NMNAT2: variants seen among roughly 807,000 people sequenced by gnomAD.
NMNAT2 encodes nicotinamide nucleotide adenylyltransferase 2, also known as nicotinamide/nicotinic acid mononucleotide adenylyltransferase 2.
Under a neutral mutation model 41.6 loss-of-function variants are expected in NMNAT2, and 11 were observed. The ratio of observed to expected loss-of-function variants is 0.26; its 90% CI spans 0.17 to 0.44. The LOEUF is 0.44. NMNAT2 is among the 20% of genes least tolerant of loss of function. The pLI is 1.00. For missense variants in NMNAT2, 288 were observed against 407.7 expected, an observed-to-expected ratio of 0.71 and a Z score of 2.53; for synonymous variants, 148 against 151.2, an observed-to-expected ratio of 0.98 and a Z score of 0.16.
At chr1:183,304,298 G>A (rs1297594044) in intron 1 of NMNAT2, among the ~76,000 whole-genome samples, 1 of 152,230 alleles carries the variant, frequency 6.6e-6, no homozygotes, top group Non-Finnish European at 1.5e-5. Flanking sequence ...AAAGAAAGAT[G>A]TAAGTAGAAG....
At chr1:183,287,437 G>A (rs1036525764) in intron 4 of NMNAT2, among the ~76,000 whole-genome samples, 2 of 152,160 alleles carry the variant, frequency 1.3e-5, no homozygotes, top group Non-Finnish European at 2.9e-5. Context: ...GGGTGGGTGG[G>A]TTCTGAGCAC....
intron 8 of NMNAT2, among the ~76,000 whole-genome samples, chr1:183,275,916 T>C (rs1489070201): frequency 2.0e-5 from 3 of 152,270 alleles, no homozygotes; most frequent in East Asian, 3.9e-4. Context: ...TCGTGATCCA[T>C]CTGCCTCGGC....
intron 8 of NMNAT2, among the ~76,000 whole-genome samples, chr1:183,264,702 G>A (rs989065381): frequency 1.3e-5 from 2 of 152,032 alleles, no homozygotes; most frequent in African/African-American, 2.4e-5. Flanking sequence ...GTGTGGGTTC[G>A]GGAAGGGAAG....
intron 1 of NMNAT2, among the ~76,000 whole-genome samples, chr1:183,294,783 C>T (rs1661638796): frequency 6.6e-6 from 1 of 152,024 alleles, no homozygotes; most frequent in Admixed American, 6.6e-5. Flanking sequence ...GAGGGAGACT[C>T]CATCTAAAAA....
intron 1 of NMNAT2, among the ~76,000 whole-genome samples, chr1:183,335,686 T>C (rs1261683324): frequency 6.6e-6 from 1 of 152,224 alleles, no homozygotes; most frequent in African/African-American, 2.4e-5. Context: ...TGCTGCCACA[T>C]TGCGCATACT....
At chr1:183,397,301 T>G (rs1648675958) in intron 1 of NMNAT2, among the ~76,000 whole-genome samples, 1 of 151,822 alleles carries the variant, frequency 6.6e-6, no homozygotes, top group Admixed American at 6.6e-5. Context: ...ACAAGTTACC[T>G]AACGGGTATC....
At chr1:183,412,676 T>C (rs1403346045) in intron 1 of NMNAT2, among the ~76,000 whole-genome samples, 1 of 152,228 alleles carries the variant, frequency 6.6e-6, no homozygotes, top group Non-Finnish European at 1.5e-5. Context: ...TGGTCTTAGT[T>C]ATATTTTGAA....
chr1:183,356,024 G>A (rs999186061), intron 1 of NMNAT2, among the ~76,000 whole-genome samples: 4 of 152,188 alleles, frequency 2.6e-5, no homozygotes, highest in African/African-American at 4.8e-5. Flanking sequence ...CGGAGGTGGG[G>A]CATCTGTCAC....
At position 183,418,373 on chromosome 1, in the gene NMNAT2, T is replaced by A; in HGVS notation, c.-106A>T. 1 of 1,122,012 alleles carries A rather than the reference T, an allele frequency of 8.9e-7. No homozygotes were observed. Among genetic ancestry groups the A allele is most frequent in the Middle Eastern group, 2.0e-4 (1 of 4,942 alleles). 69.5% of individuals were successfully genotyped at this position (1,122,012 alleles called of 1,614,324 possible). ...GGCGAGGCTCCGGCGGTGGATGCTG[T>A]GGACTCCAAGGAGCCGCTCCAGACG... On this transcript the variant is annotated 5_prime_UTR_variant, in exon 1 of 11. Transcript: ENST00000287713.
At chr1:183,327,820 T>C (rs1662501588) in intron 1 of NMNAT2, among the ~76,000 whole-genome samples, 1 of 152,282 alleles carries the variant, frequency 6.6e-6, no homozygotes, top group Non-Finnish European at 1.5e-5. Context: ...TGTGTGTATG[T>C]GTGTTTTTCC....
intron 1 of NMNAT2, among the ~76,000 whole-genome samples, chr1:183,328,439 C>G (rs1662513921): frequency 6.6e-6 from 1 of 152,208 alleles, no homozygotes. Flanking sequence ...TTTCTGCCTC[C>G]CTACCATTCC....
At chr1:183,364,547 TA>T (rs1557890290) in intron 1 of NMNAT2, among the ~76,000 whole-genome samples, 1 of 152,204 alleles carries the variant, frequency 6.6e-6, no homozygotes, top group Admixed American at 6.5e-5. Context: ...TTGTTCTAAA[TA>T]GAAAAATGAA....
Position 183,259,142 on chromosome 1 carries a change from G to C in NMNAT2, c.821+1860C>G, listed in dbSNP as rs369084721. ...TTTTGAAAAAGTGTGTATACCTGTGGCTCTGAAGCAGATTCCTAAGCCCAC... is the reference window on the plus strand; with the variant it reads ...TTTTGAAAAAGTGTGTATACCTGTGCCTCTGAAGCAGATTCCTAAGCCCAC... On this transcript the variant is annotated intron_variant, in intron 10 of 10. Transcript: ENST00000287713. Among the ~76,000 whole-genome samples the C allele has an allele frequency of 5.9e-5, 9 of 152,240 alleles. No homozygotes were observed. The East Asian group carries it at 7.7e-4, about 13-fold the overall frequency.
intron 8 of NMNAT2, among the ~76,000 whole-genome samples, chr1:183,276,994 TTC>T (rs1286703101): frequency 6.6e-6 from 1 of 152,214 alleles, no homozygotes; most frequent in Non-Finnish European, 1.5e-5. Context: ...ATTTATGCCC[TTC>T]ACCTTACATA....
chr1:183,340,579 C>G (rs1291897989), intron 1 of NMNAT2, among the ~76,000 whole-genome samples: 1 of 152,208 alleles, frequency 6.6e-6, no homozygotes, highest in African/African-American at 2.4e-5. Flanking sequence ...CTGCCTCAGC[C>G]TCCCAAAGTG....
chr1:183,258,131 A>G (rs1660566088), intron 10 of NMNAT2, among the ~76,000 whole-genome samples: 2 of 152,220 alleles, frequency 1.3e-5, no homozygotes, highest in South Asian at 2.1e-4. Flanking sequence ...GAGAGGCACC[A>G]ACAGGTATAA....
chr1:183,362,964 C>T (rs1463914647), intron 1 of NMNAT2, among the ~76,000 whole-genome samples: 3 of 152,118 alleles, frequency 2.0e-5, no homozygotes, highest in Non-Finnish European at 2.9e-5. Context: ...TTGTTATTGT[C>T]TGTCTTTTTT....
intron 1 of NMNAT2, among the ~76,000 whole-genome samples, chr1:183,339,053 C>G (rs1662737890): frequency 6.6e-6 from 1 of 152,076 alleles, no homozygotes; most frequent in Non-Finnish European, 1.5e-5. Context: ...AACATCCCAT[C>G]ATGGGTAGGC....
In NMNAT2 at chr1:183,252,751, A is replaced by G; in HGVS notation, c.822-8T>C. 2 of 1,608,376 alleles carry G rather than the reference A, an allele frequency of 1.2e-6. No individual in the cohort carries two copies. Among genetic ancestry groups the G allele is most frequent in the Non-Finnish European group, 1.7e-6 (2 of 1,174,904 alleles). ...CCATGCTGCAGGGCCAGCCTGCACA[A>G]GAAGAGATGACAATCAGATGGACAT... is the stretch of plus-strand genomic sequence containing the variant. On this transcript the variant is annotated splice_polypyrimidine_tract_variant and splice_region_variant and intron_variant, in intron 10 of 10. Coordinates refer to ENST00000287713, the MANE Select transcript of NMNAT2 (RefSeq NM_015039.4).
Sources: gnomAD v4.1 joint callset for allele counts (sites outside exome capture counted in the v4.1 genomes callset) on GRCh38, gnomAD v4.1.1 for gene constraint, MANE v1.5 for transcripts, NCBI Gene and HGNC (gene_info 2026-07-23, HGNC 2026-07-21) for gene names.